Variants in HRH1 observed in about 807,000 individuals in gnomAD.
HRH1 encodes histamine receptor H1.
A neutral mutation model predicts 10.3 loss-of-function variants in HRH1; 6 were observed. That is an observed-to-expected ratio of 0.58 (90% CI 0.32 to 1.15). The LOEUF (loss-of-function observed/expected upper bound fraction) is 1.15. Ranked by LOEUF, HRH1 falls within the 50% of genes most tolerant of loss-of-function variation. The probability of loss-of-function intolerance (pLI) is 0.05; values close to 1 mark genes in which losing one functional copy is unlikely to be tolerated. For synonymous variants in HRH1, 242 were observed against 236.7 expected, an observed-to-expected ratio of 1.02 and a Z score of -0.21; for missense variants, 514 against 615.3, an observed-to-expected ratio of 0.84 and a Z score of 1.74.
chr3:11,257,553 C>A (rs1482226905), intron 1 of HRH1, among the ~76,000 whole-genome samples: 1 of 149,684 alleles, frequency 6.7e-6, no homozygotes, highest in African/African-American at 2.5e-5. Context: ...GAGTGAGACT[C>A]CATCTCAAAA....
At chr3:11,182,511 A>G (rs1375148064) in intron 1 of HRH1, among the ~76,000 whole-genome samples, 1 of 152,162 alleles carries the variant, frequency 6.6e-6, no homozygotes, top group Non-Finnish European at 1.5e-5. Context: ...TCCCCTATCT[A>G]TCCATTTCAT....
intron 1 of HRH1, among the ~76,000 whole-genome samples, chr3:11,142,608 C>T (rs1188555060): frequency 6.6e-6 from 1 of 152,172 alleles, no homozygotes; most frequent in Non-Finnish European, 1.5e-5. Context: ...CAACGAGCCA[C>T]AAGTGAGCAA....
At chr3:11,166,175 G>GA (rs1270014861) in intron 1 of HRH1, among the ~76,000 whole-genome samples, 1 of 152,092 alleles carries the variant, frequency 6.6e-6, no homozygotes, top group Admixed American at 6.5e-5. Context: ...TGGCCCCATT[G>GA]AGTTGTAGAC....
At chr3:11,187,549 G>A (rs1171651094) in intron 1 of HRH1, among the ~76,000 whole-genome samples, 1 of 152,180 alleles carries the variant, frequency 6.6e-6, no homozygotes, top group African/African-American at 2.4e-5. Context: ...TTCTGGGAAG[G>A]TCAGAAGAGA....
intron 1 of HRH1, among the ~76,000 whole-genome samples, chr3:11,174,307 T>A (rs1189951872): frequency 6.6e-6 from 1 of 152,210 alleles, no homozygotes; most frequent in African/African-American, 2.4e-5. Context: ...TCTAGGGATT[T>A]CTAATAACTC....
At chr3:11,189,702 G>A (rs896680704) in intron 1 of HRH1, among the ~76,000 whole-genome samples, 1 of 151,680 alleles carries the variant, frequency 6.6e-6, no homozygotes, top group African/African-American at 2.4e-5. Context: ...GAGGCCAAAG[G>A]GGGTGGATCA....
chr3:11,221,322 G>A lies in HRH1; in HGVS notation c.-35-37681G>A, dbSNP rs191116301. 6.2e-3 allele frequency among the ~76,000 whole-genome samples: 938 copies of A among 152,220 alleles called. 10 individuals are homozygous for A. The highest frequency in any genetic ancestry group is 8.0e-3 in the Non-Finnish European group (544 of 68,018). On this transcript the variant is annotated intron_variant, in intron 1 of 1. Coordinates refer to ENST00000431010, the MANE Select transcript of HRH1 (RefSeq NM_001098212.2). Reference sequence around the variant, plus strand: ...AATCCTAGCACTTTGGGAGGCCGAGGTGGGTGGATTGCCTGGGCTCAGGAG... The same window carrying A: ...AATCCTAGCACTTTGGGAGGCCGAGATGGGTGGATTGCCTGGGCTCAGGAG...
At chr3:11,235,095 G>A (rs1323704599) in intron 1 of HRH1, among the ~76,000 whole-genome samples, 1 of 151,730 alleles carries the variant, frequency 6.6e-6, no homozygotes, top group East Asian at 1.9e-4. Flanking sequence ...TGTGTCTGTA[G>A]TCCCAGCTAC....
intron 1 of HRH1, among the ~76,000 whole-genome samples, chr3:11,234,845 C>A (rs956639266): frequency 2.0e-5 from 3 of 152,156 alleles, no homozygotes; most frequent in Admixed American, 2.0e-4. Context: ...TTTTCTGTTT[C>A]TTTGCTGAGA....
chr3:11,159,014 G>A (rs1187731565), intron 1 of HRH1, among the ~76,000 whole-genome samples: 3 of 152,208 alleles, frequency 2.0e-5, no homozygotes, highest in Non-Finnish European at 4.4e-5. Flanking sequence ...TTGGGAGGCC[G>A]AGGTGGGTGG....
rs111560166 is a variant in HRH1 at position 11,260,887 on chromosome 3, A to C, written c.*386A>C. 4.4e-3 allele frequency: 875 copies of C among 196,776 alleles called. 8 individuals are homozygous for C. The highest frequency in any genetic ancestry group is 0.019 in the African/African-American group (823 of 42,350). The allele number at this position is 196,776 out of a possible 1,614,324, so 12.2% of individuals were successfully genotyped here. A position where few individuals can be genotyped will look rare whatever the true frequency, so the allele number is the denominator to read the frequency against. On this transcript the variant is annotated 3_prime_UTR_variant, in exon 2 of 2. Coordinates refer to ENST00000431010, the MANE Select transcript of HRH1 (RefSeq NM_001098212.2). ...AGCTTTCCGAGTCAAGTGATTGACA[A>C]CTGAAGAGACACGTGGCTAGGGTTC...
intron 1 of HRH1, among the ~76,000 whole-genome samples, chr3:11,161,000 A>G (rs1339869921): frequency 1.3e-5 from 2 of 152,184 alleles, no homozygotes; most frequent in Non-Finnish European, 2.9e-5. Flanking sequence ...TCTGCCTCCA[A>G]GTTTGGAGGA....
intron 1 of HRH1, 37 bp from the exon 2 acceptor site, chr3:11,258,966 A>G: frequency 2.7e-6 from 4 of 1,483,430 alleles, no homozygotes; most frequent in Non-Finnish European, 3.6e-6. Context: ...CTCATCACCC[A>G]AGTCTCTGAC....
intron 1 of HRH1, among the ~76,000 whole-genome samples, chr3:11,231,027 C>T (rs959513300): frequency 2.0e-5 from 3 of 152,194 alleles, no homozygotes; most frequent in African/African-American, 7.2e-5. Context: ...TCCCTAAACC[C>T]GGCAACCACT....
intron 1 of HRH1, among the ~76,000 whole-genome samples, chr3:11,139,054 C>T (rs1936241555): frequency 6.7e-6 from 1 of 149,878 alleles, no homozygotes; most frequent in South Asian, 2.1e-4. Flanking sequence ...ATGGTGCGAT[C>T]TCGGCTCACT....
chr3:11,194,917 C>T (rs774939182), intron 1 of HRH1, among the ~76,000 whole-genome samples: 1 of 152,088 alleles, frequency 6.6e-6, no homozygotes, highest in African/African-American at 2.4e-5. Flanking sequence ...TTTTCTAATA[C>T]GCCTTAAAAT....
intron 1 of HRH1, among the ~76,000 whole-genome samples, chr3:11,257,894 C>CT (rs1377879672): frequency 1.3e-5 from 2 of 152,094 alleles, no homozygotes; most frequent in African/African-American, 4.8e-5. Flanking sequence ...ATCATTCCAC[C>CT]TTTAACTCTT....
At chr3:11,212,165 G>T (rs1168847993) in intron 1 of HRH1, among the ~76,000 whole-genome samples, 4 of 152,160 alleles carry the variant, frequency 2.6e-5, no homozygotes, top group African/African-American at 7.2e-5. Flanking sequence ...AATTGCGACA[G>T]GAATAAGGAC....
intron 1 of HRH1, among the ~76,000 whole-genome samples, chr3:11,203,803 C>G (rs1938018690): frequency 6.6e-6 from 1 of 152,186 alleles, no homozygotes; most frequent in Admixed American, 6.5e-5. Context: ...GCTCTTCTCC[C>G]TCAATATTGT....
Sources: allele counts gnomAD v4.1 joint callset (sites outside exome capture counted in the v4.1 genomes callset), GRCh38; gene constraint gnomAD v4.1.1; transcripts MANE v1.5; gene names NCBI Gene and HGNC (gene_info 2026-07-23, HGNC 2026-07-21).